FLNB: variants seen among roughly 807,000 people sequenced by gnomAD.
The protein encoded by FLNB is filamin-B.
FLNB carries 111 observed loss-of-function variants against 250.6 expected under a neutral mutation model. The ratio of observed to expected loss-of-function variants is 0.44; its 90% CI spans 0.38 to 0.52. The LOEUF is 0.52. Among genes scored for constraint, FLNB ranks in the 20% least tolerant of loss-of-function variants. FLNB has a pLI of 0.00. For synonymous variants in FLNB, 1,302 were observed against 1,372.1 expected (o/e 0.95, Z 1.13); for missense variants, 2,869 against 3,447.8 (o/e 0.83, Z 4.20).
intron 9 of FLNB, among the ~76,000 whole-genome samples, chr3:58,102,667 A>G (rs1411611032): frequency 6.6e-6 from 1 of 152,228 alleles, no homozygotes; most frequent in African/African-American, 2.4e-5. Flanking sequence ...TCAGAGAGGA[A>G]GGCTCTTGCC....
chr3:58,049,827 T>A (rs9881472), intron 1 of FLNB, among the ~76,000 whole-genome samples: 10,702 of 152,074 alleles, frequency 0.07, 413 homozygotes, highest in African/African-American at 0.088. Context: ...GTGGCTGATG[T>A]GGAAACTGTT....
intron 18 of FLNB, among the ~76,000 whole-genome samples, chr3:58,113,039 A>T (rs1456596204): frequency 6.6e-6 from 1 of 152,228 alleles, no homozygotes. Flanking sequence ...TATCGTGGTA[A>T]AATACACATA....
intron 27 of FLNB, 86 bp from the exon 28 acceptor site, chr3:58,135,893 A>T (rs2097315077): frequency 1.5e-6 from 2 of 1,344,492 alleles, no homozygotes; most frequent in Non-Finnish European, 2.1e-6. Flanking sequence ...CACTAGAGGC[A>T]CTAATTGGAA....
At chr3:58,058,196 T>C (rs909945807) in intron 1 of FLNB, among the ~76,000 whole-genome samples, 1 of 152,240 alleles carries the variant, frequency 6.6e-6, no homozygotes, top group Non-Finnish European at 1.5e-5. Context: ...GGATGTGTTT[T>C]AGTTATTACA....
chr3:58,086,131 G>T (rs1393875468), intron 4 of FLNB, among the ~76,000 whole-genome samples: 2 of 150,778 alleles, frequency 1.3e-5, no homozygotes, highest in Non-Finnish European at 2.9e-5. Flanking sequence ...TAGTAGTTCG[G>T]ACCACAGGTG....
chr3:58,154,376 T>G (rs961813097), intron 39 of FLNB, among the ~76,000 whole-genome samples: 1 of 152,166 alleles, frequency 6.6e-6, no homozygotes, highest in South Asian at 2.1e-4. Flanking sequence ...AACCCCATCT[T>G]TACTAAAATA....
chr3:58,052,333 AG>A (rs2097163723), intron 1 of FLNB, among the ~76,000 whole-genome samples: 2 of 152,230 alleles, frequency 1.3e-5, no homozygotes, highest in Admixed American at 6.5e-5. Context: ...TCTTCAGATT[AG>A]GAACTTCTTC....
intron 1 of FLNB, among the ~76,000 whole-genome samples, chr3:58,011,943 G>T (rs2097099485): frequency 6.6e-6 from 1 of 152,228 alleles, no homozygotes; most frequent in Non-Finnish European, 1.5e-5. Context: ...GGATGCCGTG[G>T]CTCACGCCTG....
chr3:58,093,337 A>G (rs560692951), intron 4 of FLNB, among the ~76,000 whole-genome samples: 3 of 152,298 alleles, frequency 2.0e-5, no homozygotes, highest in Non-Finnish European at 4.4e-5. Context: ...TCTAAACTCC[A>G]TACTTCAGGG....
In FLNB at chr3:58,123,356, C is replaced by A. The variant is rs771130361; in HGVS notation, c.3390C>A (p.Pro1130=). 1 of 1,614,168 alleles carries A rather than the reference C, an allele frequency of 6.2e-7. No individual in the cohort carries two copies. The highest frequency in any genetic ancestry group is 1.1e-5 in the South Asian group (1 of 91,084). ...GSPFKADIEM[P]FDPSKVVASG... is the part of the protein sequence containing the mutation. ...CCTTCAAAGCTGACATTGAAATGCC[C>A]TTTGACCCCTCTAAAGTCGTGGCAT... The change falls in exon 21 of 46, where the codon CCC becomes CCA. Residue 1130 remains proline (P), a synonymous_variant. Coordinates refer to ENST00000295956, the MANE Select transcript of FLNB (RefSeq NM_001457.4).
chr3:58,150,478 G>A, intron 38 of FLNB: 1 of 555,598 alleles, frequency 1.8e-6, no homozygotes. Context: ...TGTGTCACAT[G>A]GGGGAAACGT....
At chr3:58,123,047 G>A (rs371997878) in intron 20 of FLNB, 46 bp from the exon 21 acceptor site, 14 of 1,538,596 alleles carry the variant, frequency 9.1e-6, no homozygotes, top group African/African-American at 1.4e-5. Context: ...AGTGCTGGCT[G>A]AGCAGCGATC....
Position 58,109,774 on chromosome 3 carries a change from C to G in FLNB, c.2323+75C>G. 3 of 1,591,618 alleles carry G rather than the reference C, an allele frequency of 1.9e-6. No homozygotes were observed. In the Admixed American group the frequency reaches 5.0e-5, roughly 27 times the overall value. ...CAGTTCTTTTCATAACGTTTCAATG[C>G]CTTTTGAACTAGGAAGTAGTCCATC... On this transcript the variant is annotated intron_variant, in intron 15 of 45. Transcript: ENST00000295956.
intron 4 of FLNB, among the ~76,000 whole-genome samples, chr3:58,085,644 G>A (rs1368440327): frequency 1.3e-5 from 2 of 152,170 alleles, no homozygotes; most frequent in Non-Finnish European, 2.9e-5. Flanking sequence ...TTTGTGGTGG[G>A]CTTCCTTGCA....
At chr3:58,071,897 G>A (rs764858677) in intron 1 of FLNB, among the ~76,000 whole-genome samples, 3 of 152,222 alleles carry the variant, frequency 2.0e-5, no homozygotes, top group Non-Finnish European at 4.4e-5. Context: ...TGACCTCTGG[G>A]GAACTCATCC....
chr3:58,132,132 C>G (rs1479975159), intron 25 of FLNB: 2 of 726,660 alleles, frequency 2.8e-6, no homozygotes, highest in Non-Finnish European at 4.8e-6. Flanking sequence ...GCATGCCATC[C>G]TTTGATTAAC....
chr3:58,070,693 T>G, intron 1 of FLNB, among the ~76,000 whole-genome samples: 1 of 146,574 alleles, frequency 6.8e-6, no homozygotes, highest in South Asian at 2.2e-4. Context: ...GGAGTCTCAC[T>G]CGGTCACCCA....
At chr3:58,076,357 C>T (rs566307412) in intron 1 of FLNB, among the ~76,000 whole-genome samples, 92 of 152,338 alleles carry the variant, frequency 6.0e-4, no homozygotes, top group African/African-American at 2.0e-3. Flanking sequence ...CGTGCACACA[C>T]GCATACACAC....
Position 58,163,092 on chromosome 3 carries a change from T to C in FLNB, c.7022-62T>C, listed in dbSNP as rs2097364351. The C allele has an allele frequency of 3.2e-6, 5 of 1,541,338 alleles. No homozygotes were observed. In the South Asian group the frequency reaches 5.6e-5, roughly 17 times the overall value. ...TCAGCTTGGCCTCCATCCTTTATCCTCACTGAACTCAGGGGTGTCCATTTG... is the reference window on the plus strand; with the variant it reads ...TCAGCTTGGCCTCCATCCTTTATCCCCACTGAACTCAGGGGTGTCCATTTG... On this transcript the variant is annotated intron_variant, in intron 42 of 45. Transcript: ENST00000295956.
Sources: allele counts gnomAD v4.1 joint callset (sites outside exome capture counted in the v4.1 genomes callset), GRCh38; gene constraint gnomAD v4.1.1; transcripts MANE v1.5; gene names NCBI Gene and HGNC (gene_info 2026-07-23, HGNC 2026-07-21).